Variants in CPHXL2 observed in about 807,000 individuals in gnomAD.
CPHXL2 encodes the protein cytoplasmic polyadenylated homeobox like 2, also known as cytoplasmic polyadenylated homeobox-like protein 2.
chr16:75,665,423 A>G, the CPHXL2 span, among the ~76,000 whole-genome samples: 1 of 152,264 alleles, frequency 6.6e-6, no homozygotes, highest in Non-Finnish European at 1.5e-5. Flanking sequence ...TCTTTCAGAC[A>G]AACAAATGCT....
At chr16:75,663,947 C>T in the CPHXL2 span, among the ~76,000 whole-genome samples, 1 of 143,048 alleles carries the variant, frequency 7.0e-6, no homozygotes, top group Non-Finnish European at 1.5e-5. Context: ...GAAACATTTA[C>T]AGTCTATTCT....
the CPHXL2 span, chr16:75,660,700 G>C: frequency 2.5e-6 from 1 of 398,524 alleles, no homozygotes; most frequent in Non-Finnish European, 4.4e-6. Flanking sequence ...TAATCCAAAA[G>C]GAAGGGACTT....
the CPHXL2 span, among the ~76,000 whole-genome samples, chr16:75,664,625 CAAA>C: frequency 9.7e-5 from 11 of 113,052 alleles, no homozygotes; most frequent in South Asian, 6.0e-4. Context: ...AACTCCATCT[CAAA>C]AAAAAAAAAA....
chr16:75,674,371 T>TAA, the CPHXL2 span, among the ~76,000 whole-genome samples: 1 of 56,756 alleles, frequency 1.8e-5, no homozygotes, highest in African/African-American at 8.5e-5. Flanking sequence ...AGACTCCGTC[T>TAA]CAAAAAAAAA....
the CPHXL2 span, among the ~76,000 whole-genome samples, chr16:75,675,516 AGAG>A: frequency 1.3e-5 from 2 of 152,090 alleles, no homozygotes; most frequent in African/African-American, 4.8e-5. Flanking sequence ...TTTCAGAGAA[AGAG>A]GAGGGAACAA....
At chr16:75,671,877 G>C in the CPHXL2 span, among the ~76,000 whole-genome samples, 1 of 152,168 alleles carries the variant, frequency 6.6e-6, no homozygotes, top group East Asian at 1.9e-4. Flanking sequence ...TCCAAATCAG[G>C]GGGGCTTGCA....
the CPHXL2 span, chr16:75,661,018 G>A: frequency 7.5e-6 from 3 of 400,384 alleles, no homozygotes; most frequent in Non-Finnish European, 1.3e-5. Flanking sequence ...TAGCCCATCT[G>A]TTGACAGGCA....
At chr16:75,665,090 CA>C in the CPHXL2 span, among the ~76,000 whole-genome samples, 1 of 151,986 alleles carries the variant, frequency 6.6e-6, no homozygotes, top group East Asian at 1.9e-4. Flanking sequence ...AGAGTCTAAC[CA>C]AAAAAAGCAA....
the CPHXL2 span, among the ~76,000 whole-genome samples, chr16:75,666,334 G>C: frequency 1.3e-5 from 2 of 152,056 alleles, no homozygotes; most frequent in African/African-American, 4.8e-5. Flanking sequence ...AATAATAGTG[G>C]AGGATGGCTG....
chr16:75,670,445 GTTAAA>G, the CPHXL2 span, among the ~76,000 whole-genome samples: 10 of 152,086 alleles, frequency 6.6e-5, no homozygotes, highest in Non-Finnish European at 2.9e-5. Context: ...GTGAACATTT[GTTAAA>G]TTAAACATGT....
the CPHXL2 span, among the ~76,000 whole-genome samples, chr16:75,674,133 G>A: frequency 1.3e-5 from 2 of 151,222 alleles, no homozygotes; most frequent in Admixed American, 6.6e-5. Context: ...CAGCACTTTG[G>A]GAGGCCAAGG....
chr16:75,662,299 A>G, the CPHXL2 span, among the ~76,000 whole-genome samples: 10 of 149,830 alleles, frequency 6.7e-5, no homozygotes, highest in African/African-American at 2.5e-4. Context: ...GAAGCTCCCC[A>G]AACCCACTTT....
At chr16:75,668,184 A>G in the CPHXL2 span, among the ~76,000 whole-genome samples, 7 of 151,550 alleles carry the variant, frequency 4.6e-5, no homozygotes, top group African/African-American at 1.5e-4. Context: ...ATGAAATGCT[A>G]TATACTGCTT....
the CPHXL2 span, among the ~76,000 whole-genome samples, chr16:75,674,141 A>T: frequency 6.6e-6 from 1 of 151,754 alleles, no homozygotes; most frequent in Non-Finnish European, 1.5e-5. Flanking sequence ...TGGGAGGCCA[A>T]GGGGGGTGGA....
chr16:75,672,612 C>T, the CPHXL2 span, among the ~76,000 whole-genome samples: 1 of 152,290 alleles, frequency 6.6e-6, no homozygotes, highest in Admixed American at 6.5e-5. Flanking sequence ...TCAACTCAGC[C>T]TCCCAAGTAG....
chr16:75,675,104 G>A, the CPHXL2 span, among the ~76,000 whole-genome samples: 8 of 149,334 alleles, frequency 5.4e-5, no homozygotes, highest in South Asian at 2.2e-4. Context: ...CAGGAGAATC[G>A]CTTGAACCCA....
the CPHXL2 span, among the ~76,000 whole-genome samples, chr16:75,664,082 TCTGAATCTGCCTATGACTTGGAAGCCC>T: frequency 1.3e-5 from 2 of 152,162 alleles, no homozygotes; most frequent in East Asian, 3.9e-4. Context: ...TCAGAAAATC[TCTGAATCTGCCTATGACTTGGAAGCCC>T]CTGCTTCCAC....
the CPHXL2 span, chr16:75,676,976 AAG>A: frequency 2.5e-6 from 1 of 398,552 alleles, no homozygotes; most frequent in African/African-American, 2.1e-5. Flanking sequence ...TTCTCTACCA[AAG>A]GCACTCACCT....
chr16:75,666,059 A>G, the CPHXL2 span, among the ~76,000 whole-genome samples: 1 of 152,204 alleles, frequency 6.6e-6, no homozygotes, highest in African/African-American at 2.4e-5. Context: ...GTAAGAACTC[A>G]CATAAACTTA....
Sources: gnomAD v4.1 joint callset for allele counts (sites outside exome capture counted in the v4.1 genomes callset) on GRCh38, gnomAD v4.1.1 for gene constraint, MANE v1.5 for transcripts, NCBI Gene and HGNC (gene_info 2026-07-23, HGNC 2026-07-21) for gene names.